PCDHA7: variants seen among roughly 807,000 people sequenced by gnomAD.
PCDHA7 encodes protocadherin alpha 7, also known as protocadherin alpha-7.
A neutral mutation model predicts 57.2 loss-of-function variants in PCDHA7; 37 were observed. The ratio of observed to expected loss-of-function variants is 0.65; its 90% CI spans 0.50 to 0.85. PCDHA7 has a LOEUF of 0.85. Among genes scored for constraint, PCDHA7 ranks in the 40% least tolerant of loss-of-function variants. The probability of loss-of-function intolerance (pLI) is 0.00; values close to 1 mark genes in which losing one functional copy is unlikely to be tolerated. For synonymous variants in PCDHA7, 553 were observed against 558.8 expected (o/e 0.99, Z 0.15); for missense variants, 1,188 against 1,241.8 (o/e 0.96, Z 0.65).
At chr5:140,857,723 G>C (rs782731784) in intron 1 of PCDHA7, 1 of 1,597,514 alleles carries the variant, frequency 6.3e-7, no homozygotes, top group Non-Finnish European at 8.6e-7. Flanking sequence ...GGACGAGAAC[G>C]ACAACGCTCC....
chr5:141,003,981 C>T (rs1485203944), intron 3 of PCDHA7, among the ~76,000 whole-genome samples: 9 of 152,072 alleles, frequency 5.9e-5, no homozygotes, highest in Admixed American at 2.6e-4. Flanking sequence ...GGGGACTTGC[C>T]GGAGATCCTA....
At chr5:140,869,588 T>G (rs1404476349) in intron 1 of PCDHA7, 7 of 1,613,996 alleles carry the variant, frequency 4.3e-6, no homozygotes, top group Non-Finnish European at 5.9e-6. Flanking sequence ...GATGCTGACA[T>G]TGAAGAGAAT....
intron 1 of PCDHA7, among the ~76,000 whole-genome samples, chr5:140,964,876 G>A (rs2095860081): frequency 6.6e-6 from 1 of 152,188 alleles, no homozygotes; most frequent in Non-Finnish European, 1.5e-5. Flanking sequence ...CAAATAAGAA[G>A]CAGCAGTGAT....
At chr5:140,988,805 C>T (rs782160959) in intron 3 of PCDHA7, 8 of 152,232 alleles carry the variant, frequency 5.3e-5, no homozygotes, top group African/African-American at 1.4e-4. Context: ...GAATTTCTTC[C>T]GTAACAGTAG....
At chr5:140,992,533 C>T (rs1292844643) in intron 3 of PCDHA7, among the ~76,000 whole-genome samples, 1 of 152,188 alleles carries the variant, frequency 6.6e-6, no homozygotes, top group Non-Finnish European at 1.5e-5. Context: ...GGAAAAGTCA[C>T]TGTCACAAGT....
At position 140,850,017 on chromosome 5, in the gene PCDHA7, G is replaced by T. The variant is rs2150463566; in HGVS notation, c.2355+13279G>T. ...GGGCGAGCGCTCGCTGTCGAGCTAC[G>T]TGTCAGTGCACGCGGAGAGCGGCAA... is the stretch of plus-strand genomic sequence containing the variant. On this transcript the variant is annotated intron_variant, in intron 1 of 3. Transcript: ENST00000525929. The T allele has an allele frequency of 5.6e-6, 9 of 1,596,972 alleles. 2 individuals are homozygous for T. The highest frequency in any genetic ancestry group is 6.9e-6 in the Non-Finnish European group (8 of 1,167,832).
rs1234661148 is a variant in PCDHA7, at chr5:141,010,706, T to C, written c.*769T>C. 2 of 155,338 alleles carry C rather than the reference T, an allele frequency of 1.3e-5. No individual in the cohort carries two copies. Among genetic ancestry groups the C allele is most frequent in the African/African-American group, 4.8e-5 (2 of 41,492 alleles). The allele number at this position is 155,338 out of a possible 1,614,324, so 9.6% of individuals were successfully genotyped here. A position where few individuals can be genotyped will look rare whatever the true frequency, so the allele number is the denominator to read the frequency against. The stretch of plus-strand genomic sequence containing the variant: ...AGATCTGATGTGTTTCCTATACATG[T>C]CCTGTGCTCACTTTATTAAAAATTC... On this transcript the variant is annotated 3_prime_UTR_variant, in exon 4 of 4. Transcript: ENST00000525929.
At chr5:140,992,643 A>C (rs1215653539) in intron 3 of PCDHA7, among the ~76,000 whole-genome samples, 1 of 152,148 alleles carries the variant, frequency 6.6e-6, no homozygotes. Context: ...CCTGGAAAAT[A>C]GAAGAAAGAG....
intron 1 of PCDHA7, among the ~76,000 whole-genome samples, chr5:140,893,177 T>A (rs2063856203): frequency 6.6e-6 from 1 of 152,232 alleles, no homozygotes; most frequent in Admixed American, 6.5e-5. Flanking sequence ...TTCCACATAG[T>A]AGCTATTGTG....
intron 1 of PCDHA7, chr5:140,870,060 A>G (rs2051623081): frequency 6.2e-7 from 1 of 1,613,776 alleles, no homozygotes; most frequent in African/African-American, 1.3e-5. Flanking sequence ...AAATTGAAGT[A>G]CAGGCTACAG....
At chr5:140,877,525 G>A (rs1562735759) in intron 1 of PCDHA7, 7 of 1,613,804 alleles carry the variant, frequency 4.3e-6, no homozygotes, top group Non-Finnish European at 5.9e-6. Flanking sequence ...GGCCTCAGTG[G>A]GCGCTGTGGA....
chr5:140,988,156 C>A (rs546335543), intron 3 of PCDHA7, among the ~76,000 whole-genome samples: 1 of 152,054 alleles, frequency 6.6e-6, no homozygotes, highest in Non-Finnish European at 1.5e-5. Flanking sequence ...CAACTTCTGC[C>A]GTTGTCATAG....
chr5:140,905,632 G>GCCA (rs2071986222), intron 1 of PCDHA7, among the ~76,000 whole-genome samples: 1 of 152,106 alleles, frequency 6.6e-6, no homozygotes, highest in South Asian at 2.1e-4. Flanking sequence ...TGACAGTATG[G>GCCA]TCAGTTTCAC....
intron 1 of PCDHA7, among the ~76,000 whole-genome samples, chr5:140,974,327 G>A (rs2096622889): frequency 6.6e-6 from 1 of 152,194 alleles, no homozygotes; most frequent in African/African-American, 2.4e-5. Context: ...TAGCTGCTGT[G>A]CTAGCAGGCT....
intron 1 of PCDHA7, chr5:140,868,003 A>C (rs1166493353): frequency 6.6e-6 from 1 of 152,130 alleles, no homozygotes; most frequent in South Asian, 2.1e-4. Context: ...AATATAACTG[A>C]ATTAGATTAA....
chr5:140,877,112 G>A, intron 1 of PCDHA7: 1 of 1,613,670 alleles, frequency 6.2e-7, no homozygotes, highest in Non-Finnish European at 8.5e-7. Flanking sequence ...CCTCTGGGCA[G>A]CAACGTGACG....
intron 1 of PCDHA7, among the ~76,000 whole-genome samples, chr5:140,939,868 T>C (rs868982739): frequency 2.6e-5 from 4 of 152,340 alleles, no homozygotes; most frequent in Middle Eastern, 6.8e-3. Flanking sequence ...CATTAGGTCA[T>C]CTTTGCTAGT....
chr5:140,966,860 T>A, intron 1 of PCDHA7: 1 of 1,577,482 alleles, frequency 6.3e-7, no homozygotes, highest in Middle Eastern at 1.7e-4. Flanking sequence ...CCTGCTGCTG[T>A]TGCTGCTGCT....
intron 1 of PCDHA7, chr5:140,848,263 A>C: frequency 2.1e-6 from 1 of 484,676 alleles, no homozygotes; most frequent in Non-Finnish European, 3.6e-6. Context: ...TGAAATTTTT[A>C]TTCATGAAAT....
Sources: gnomAD v4.1 joint callset for allele counts (sites outside exome capture counted in the v4.1 genomes callset) on GRCh38, gnomAD v4.1.1 for gene constraint, MANE v1.5 for transcripts, NCBI Gene and HGNC (gene_info 2026-07-23, HGNC 2026-07-21) for gene names.